Variants in MAML2 observed in about 807,000 individuals in gnomAD.
MAML2 encodes mastermind-like protein 2.
Under a neutral mutation model 96.1 loss-of-function variants are expected in MAML2, and 22 were observed. That is an observed-to-expected ratio of 0.23 (90% CI 0.16 to 0.33). The LOEUF is 0.33. Ranked by LOEUF, MAML2 falls within the 10% of genes least tolerant of loss-of-function variation. The pLI is 1.00. For missense variants in MAML2, 1,367 were observed against 1,392.4 expected, an observed-to-expected ratio of 0.98 and a Z score of 0.29; for synonymous variants, 561 against 521.3, an observed-to-expected ratio of 1.08 and a Z score of -1.04.
chr11:96,010,553 C>G (rs1321347165), intron 2 of MAML2, among the ~76,000 whole-genome samples: 3 of 152,156 alleles, frequency 2.0e-5, no homozygotes, highest in Non-Finnish European at 4.4e-5. Flanking sequence ...GAGGTACAAA[C>G]AGTCCCTACT....
Position 96,341,818 on chromosome 11 carries a change from GC to G in MAML2, c.77del (p.Gly26AlafsTer27). ...GASGAGLLGG[G>X]SVTPRVHSAI... ...CACTGTGCACTCTCGGGGTGACTGA[GC>G]CCCCTCCAAGGAGCCCCGCCCCAGA... On this transcript the variant is annotated frameshift_variant, in exon 1 of 5. Transcript: ENST00000524717. LOFTEE classifies it high-confidence loss of function. The G allele has an allele frequency of 6.3e-7, 1 of 1,594,848 alleles. No individual in the cohort carries two copies. The highest frequency in any genetic ancestry group is 8.5e-7 in the Non-Finnish European group (1 of 1,173,668).
At chr11:96,085,026 T>C (rs1202021052) in intron 2 of MAML2, among the ~76,000 whole-genome samples, 1 of 152,202 alleles carries the variant, frequency 6.6e-6, no homozygotes, top group Admixed American at 6.5e-5. Flanking sequence ...GAAGCAGTCA[T>C]TGGCTTCCCT....
intron 1 of MAML2, among the ~76,000 whole-genome samples, chr11:96,203,220 C>T (rs1178514768): frequency 1.3e-5 from 2 of 152,192 alleles, no homozygotes; most frequent in Non-Finnish European, 2.9e-5. Context: ...GAAAAAGTTG[C>T]TGACTTCATG....
chr11:96,163,867 T>C (rs1465764400), intron 1 of MAML2, among the ~76,000 whole-genome samples: 2 of 150,294 alleles, frequency 1.3e-5, no homozygotes, highest in Admixed American at 6.6e-5. Flanking sequence ...TCTTTCTTTT[T>C]TTTTTTTTTT....
rs1243245870 is a variant in MAML2, at chr11:95,979,894, A to G, written c.2525T>C (p.Leu842Ser). The change falls in exon 5 of 5, where the codon TTA (leucine) becomes TCA (serine). Residue 842 changes from leucine (L) to serine (S), a missense_variant. Leu to Ser is a moderately radical substitution (Grantham distance 145, BLOSUM62 -2). Coordinates refer to ENST00000524717, the MANE Select transcript of MAML2 (RefSeq NM_032427.4). The part of the protein sequence containing the change: ...LANPVSTHTI[L>S]TPNSSLLSTS... Reference sequence around the variant, plus strand: ...AGACAGGAGGCTGGAATTGGGAGTTAAAATGGTGTGTGTTGAAACTGGGTT... The same window carrying G: ...AGACAGGAGGCTGGAATTGGGAGTTGAAATGGTGTGTGTTGAAACTGGGTT... 1 of 1,613,830 alleles carries G rather than the reference A, an allele frequency of 6.2e-7. No individual in the cohort carries two copies. Among genetic ancestry groups the G allele is most frequent in the African/African-American group, 1.3e-5 (1 of 74,922 alleles).
rs184097561 is a variant in MAML2, at chr11:96,089,233, A to C, written c.2139+2659T>G. Among the ~76,000 whole-genome samples, 4 of 152,298 alleles carry C rather than the reference A, an allele frequency of 2.6e-5. No individual in the cohort carries two copies. In the East Asian group the frequency reaches 5.8e-4, roughly 22 times the overall value. On this transcript the variant is annotated intron_variant, in intron 2 of 4. Coordinates refer to ENST00000524717, the MANE Select transcript of MAML2 (RefSeq NM_032427.4). Reference sequence around the variant, plus strand: ...CTGTCTATTATAGATGGAAGAGTTAAAACTACTCTGAGTTGAGAATACATG... The same window carrying C: ...CTGTCTATTATAGATGGAAGAGTTACAACTACTCTGAGTTGAGAATACATG...
intron 2 of MAML2, among the ~76,000 whole-genome samples, chr11:96,090,050 A>G (rs1859680313): frequency 1.3e-5 from 1 of 75,942 alleles, no homozygotes; most frequent in African/African-American, 5.4e-5. Flanking sequence ...ATGAAATGAG[A>G]TGCCACAAGT....
chr11:96,195,185 A>T (rs1044148953), intron 1 of MAML2, among the ~76,000 whole-genome samples: 1 of 152,210 alleles, frequency 6.6e-6, no homozygotes, highest in African/African-American at 2.4e-5. Context: ...ATATTCATGC[A>T]TTCAAATTAA....
At chr11:96,180,751 C>T (rs1007023652) in intron 1 of MAML2, among the ~76,000 whole-genome samples, 13 of 152,080 alleles carry the variant, frequency 8.5e-5, no homozygotes, top group East Asian at 1.9e-4. Context: ...CATGTGTGTC[C>T]GTGTGAAGAG....
chr11:96,072,934 C>T (rs766375480), intron 2 of MAML2, among the ~76,000 whole-genome samples: 2 of 152,200 alleles, frequency 1.3e-5, no homozygotes, highest in African/African-American at 4.8e-5. Context: ...CAGTTAAGTA[C>T]TTTTAGACCT....
intron 2 of MAML2, among the ~76,000 whole-genome samples, chr11:96,051,668 G>A (rs2135768283): frequency 6.6e-6 from 1 of 152,262 alleles, no homozygotes; most frequent in East Asian, 1.9e-4. Flanking sequence ...AGGGTCTTCT[G>A]CCTCCACTTT....
At chr11:96,280,484 A>C (rs1591111240) in intron 1 of MAML2, among the ~76,000 whole-genome samples, 1 of 152,062 alleles carries the variant, frequency 6.6e-6, no homozygotes, top group East Asian at 1.9e-4. Context: ...AGGTTTTACT[A>C]TTCTGTTTTG....
Position 96,241,672 on chromosome 11 carries a change from G to T in MAML2, c.513+99711C>A, listed in dbSNP as rs117456624. On this transcript the variant is annotated intron_variant, in intron 1 of 4. Coordinates refer to ENST00000524717, the MANE Select transcript of MAML2 (RefSeq NM_032427.4). ...GTGAACATTTGTTGCCAGAGTGAGT[G>T]TCCCTGGGACAGTGTTGATTGCGGA... is the stretch of plus-strand genomic sequence containing the variant. Among the ~76,000 whole-genome samples, 706 of 152,318 alleles carry T rather than the reference G, an allele frequency of 4.6e-3. 21 individuals are homozygous for T. In the East Asian group the frequency reaches 0.047, roughly 10 times the overall value.
In MAML2 at chr11:96,087,381, G is replaced by A. The variant is rs574452316; in HGVS notation, c.2139+4511C>T. ...TCCTTTGTAACTTAAAAGATAAATG[G>A]TGAAATATCAAAAATAAAATGAAAA... On this transcript the variant is annotated intron_variant, in intron 2 of 4. Transcript: ENST00000524717. Among the ~76,000 whole-genome samples the A allele has an allele frequency of 6.6e-5, 10 of 152,270 alleles. No homozygotes were observed. In the South Asian group the frequency reaches 8.3e-4, roughly 13 times the overall value.
intron 2 of MAML2, among the ~76,000 whole-genome samples, chr11:96,003,798 A>G (rs1858135144): frequency 6.6e-6 from 1 of 152,198 alleles, no homozygotes; most frequent in South Asian, 2.1e-4. Flanking sequence ...TCTGAATATC[A>G]TACATATAAC....
At chr11:96,293,372 T>C (rs1863243034) in intron 1 of MAML2, among the ~76,000 whole-genome samples, 1 of 152,190 alleles carries the variant, frequency 6.6e-6, no homozygotes, top group Admixed American at 6.5e-5. Flanking sequence ...AAAATTATGT[T>C]ATATCTTTGA....
chr11:96,263,219 C>T (rs1862776390), intron 1 of MAML2, among the ~76,000 whole-genome samples: 1 of 152,166 alleles, frequency 6.6e-6, no homozygotes, highest in South Asian at 2.1e-4. Context: ...AAATATTCCC[C>T]AAAATGTCAT....
chr11:96,282,248 C>CAAAA (rs546246324), intron 1 of MAML2, among the ~76,000 whole-genome samples: 2 of 136,884 alleles, frequency 1.5e-5, no homozygotes, highest in African/African-American at 5.4e-5. Context: ...GACTCCATCT[C>CAAAA]AAAAAAAAAA....
chr11:96,062,188 G>A (rs2135779825), intron 2 of MAML2, among the ~76,000 whole-genome samples: 1 of 152,262 alleles, frequency 6.6e-6, no homozygotes, highest in East Asian at 1.9e-4. Flanking sequence ...GTTACATGGA[G>A]TGACTCAAAG....
Sources: allele counts gnomAD v4.1 joint callset (sites outside exome capture counted in the v4.1 genomes callset), GRCh38; gene constraint gnomAD v4.1.1; transcripts MANE v1.5; gene names NCBI Gene and HGNC (gene_info 2026-07-23, HGNC 2026-07-21).